Variants in CDH18 observed in about 807,000 individuals in gnomAD.
CDH18 encodes the protein cadherin-18.
A neutral mutation model predicts 67.9 loss-of-function variants in CDH18; 31 were observed. The ratio of observed to expected loss-of-function variants is 0.46; its 90% CI spans 0.34 to 0.62. The LOEUF is 0.62. Among genes scored for constraint, CDH18 ranks in the 20% least tolerant of loss-of-function variants. The probability of loss-of-function intolerance (pLI) is 0.01; values close to 1 mark genes in which losing one functional copy is unlikely to be tolerated. For synonymous variants in CDH18, 362 were observed against 347.2 expected (o/e 1.04, Z -0.48); for missense variants, 890 against 975.5 (o/e 0.91, Z 1.17).
intron 1 of CDH18, among the ~76,000 whole-genome samples, chr5:20,509,597 T>C (rs1193468648): frequency 5.9e-4 from 2 of 3,408 alleles, no homozygotes; most frequent in Non-Finnish European, 1.7e-3. Context: ...TGTTATTTTA[T>C]TTTTAATACA....
intron 2 of CDH18, among the ~76,000 whole-genome samples, chr5:19,850,578 T>G (rs1385433053): frequency 4.6e-5 from 7 of 151,790 alleles, no homozygotes; most frequent in African/African-American, 1.7e-4. Flanking sequence ...AGGAACAACT[T>G]CCATATAGTG....
intron 5 of CDH18, among the ~76,000 whole-genome samples, chr5:19,665,664 G>T (rs941310567): frequency 2.0e-5 from 3 of 151,846 alleles, no homozygotes; most frequent in African/African-American, 7.3e-5. Context: ...AATGGATCAG[G>T]GTATTAACAT....
chr5:19,747,968 C>T (rs1770265277), intron 3 of CDH18, among the ~76,000 whole-genome samples: 1 of 150,452 alleles, frequency 6.6e-6, no homozygotes, highest in Admixed American at 6.6e-5. Flanking sequence ...AAAAAACTAG[C>T]CGGGCGTGGT....
intron 10 of CDH18, among the ~76,000 whole-genome samples, chr5:19,509,519 T>C (rs1333256389): frequency 1.3e-5 from 2 of 152,334 alleles, no homozygotes; most frequent in East Asian, 1.9e-4. Context: ...AGTATCTGCA[T>C]ACATTTATTT....
intron 1 of CDH18, among the ~76,000 whole-genome samples, chr5:20,444,348 A>T (rs550059203): frequency 4.5e-4 from 68 of 152,342 alleles, no homozygotes; most frequent in Admixed American, 2.6e-3. Context: ...TTAGCAAAAA[A>T]TTATGTGCTA....
intron 3 of CDH18, among the ~76,000 whole-genome samples, chr5:19,773,468 T>C (rs2149748560): frequency 6.6e-6 from 1 of 152,260 alleles, no homozygotes; most frequent in South Asian, 2.1e-4. Flanking sequence ...AACCTCACAG[T>C]TCAGAGGAGA....
At chr5:19,566,087 G>T (rs1019270652) in intron 8 of CDH18, among the ~76,000 whole-genome samples, 2 of 151,934 alleles carry the variant, frequency 1.3e-5, no homozygotes, top group Non-Finnish European at 2.9e-5. Flanking sequence ...TTTCTCAAAA[G>T]ATGACATACA....
At chr5:19,647,723 C>T in intron 5 of CDH18, among the ~76,000 whole-genome samples, 1 of 151,880 alleles carries the variant, frequency 6.6e-6, no homozygotes, top group Admixed American at 6.6e-5. Flanking sequence ...TCAGCTCTGC[C>T]CTGCAGCAAA....
At chr5:20,454,854 T>A (rs1231861340) in intron 1 of CDH18, among the ~76,000 whole-genome samples, 1 of 152,112 alleles carries the variant, frequency 6.6e-6, no homozygotes, top group Non-Finnish European at 1.5e-5. Context: ...ACTGCCGTTA[T>A]AGCAAGCAGA....
chr5:19,874,460 C>T (rs1786706875), intron 2 of CDH18, among the ~76,000 whole-genome samples: 1 of 152,164 alleles, frequency 6.6e-6, no homozygotes, highest in Non-Finnish European at 1.5e-5. Flanking sequence ...ACCATCCTAA[C>T]ATAACTAATC....
At chr5:20,560,647 C>A (rs560023882) in intron 1 of CDH18, among the ~76,000 whole-genome samples, 1 of 152,124 alleles carries the variant, frequency 6.6e-6, no homozygotes, top group South Asian at 2.1e-4. Context: ...AATAGCCTGA[C>A]CTTCATGACA....
chr5:19,965,017 T>C (rs1490082761), intron 2 of CDH18, among the ~76,000 whole-genome samples: 2 of 152,204 alleles, frequency 1.3e-5, no homozygotes, highest in African/African-American at 2.4e-5. Context: ...ATGCAATATA[T>C]ACCATAAAAT....
intron 1 of CDH18, among the ~76,000 whole-genome samples, chr5:20,270,554 C>T (rs1418855279): frequency 6.6e-6 from 1 of 152,062 alleles, no homozygotes; most frequent in Non-Finnish European, 1.5e-5. Context: ...ATTAGTTCAA[C>T]CATTGTGGAA....
chr5:19,787,809 T>TTATATACATATATATATA (rs1554034048), intron 3 of CDH18, among the ~76,000 whole-genome samples: 5 of 144,400 alleles, frequency 3.5e-5, no homozygotes, highest in Non-Finnish European at 7.6e-5. Flanking sequence ...TAATTTACAG[T>TTATATACATATATATATA]TATATATATA....
intron 2 of CDH18, among the ~76,000 whole-genome samples, chr5:19,925,225 C>A (rs1174859220): frequency 6.6e-6 from 1 of 152,096 alleles, no homozygotes; most frequent in Non-Finnish European, 1.5e-5. Context: ...GGAGGGCACC[C>A]ACAGCAGCAG....
At chr5:20,405,525 G>A (rs539916755) in intron 1 of CDH18, among the ~76,000 whole-genome samples, 15 of 152,268 alleles carry the variant, frequency 9.9e-5, no homozygotes, top group African/African-American at 3.6e-4. Context: ...ACATAGGGAT[G>A]GGCAAGGACT....
intron 3 of CDH18, among the ~76,000 whole-genome samples, chr5:19,815,280 T>A (rs1477992844): frequency 6.6e-6 from 1 of 152,052 alleles, no homozygotes; most frequent in East Asian, 1.9e-4. Context: ...CATCATGTTG[T>A]CATTTGTATA....
chr5:19,944,921 T>G (rs1464860123), intron 2 of CDH18, among the ~76,000 whole-genome samples: 4 of 152,106 alleles, frequency 2.6e-5, no homozygotes, highest in African/African-American at 9.7e-5. Context: ...TACATTTGAA[T>G]TGGGCACCAG....
At chr5:19,986,287 A>G (rs568012856) in intron 1 of CDH18, among the ~76,000 whole-genome samples, 1 of 152,316 alleles carries the variant, frequency 6.6e-6, no homozygotes, top group African/African-American at 2.4e-5. Context: ...TGACTGCTAT[A>G]GCTAATTATA....
Sources: gnomAD v4.1 joint callset for allele counts (sites outside exome capture counted in the v4.1 genomes callset) on GRCh38, gnomAD v4.1.1 for gene constraint, MANE v1.5 for transcripts, NCBI Gene and HGNC (gene_info 2026-07-23, HGNC 2026-07-21) for gene names.